The following RNF216 variants were observed in gnomAD, a reference collection of about 807,000 sequenced individuals.
The protein encoded by RNF216 is E3 ubiquitin-protein ligase RNF216.
Under a neutral mutation model 110.8 loss-of-function variants are expected in RNF216, and 72 were observed. The observed-to-expected ratio is 0.65, with a 90% CI of 0.54 to 0.79. RNF216 has a LOEUF of 0.79. Ranked by LOEUF, RNF216 falls within the 30% of genes least tolerant of loss-of-function variation. RNF216 has a pLI of 0.00. For missense variants in RNF216, 1,342 were observed against 1,141.2 expected, an observed-to-expected ratio of 1.18 and a Z score of -2.54; for synonymous variants, 495 against 407.5, an observed-to-expected ratio of 1.21 and a Z score of -2.59.
intron 5 of RNF216, among the ~76,000 whole-genome samples, chr7:5,735,248 A>G (rs1356973903): frequency 1.3e-5 from 2 of 152,226 alleles, no homozygotes; most frequent in African/African-American, 4.8e-5. Context: ...ACTTGAAAGA[A>G]GCAAAAGCAA....
At position 5,741,745 on chromosome 7, in the gene RNF216, A is replaced by T; in HGVS notation, c.272T>A (p.Leu91Ter). The change falls in exon 4 of 17, where the codon TTG (leucine) becomes TAG (stop). Residue 91 changes from leucine to a stop codon, truncating the protein, a stop_gained. Transcript: ENST00000389902. LOFTEE classifies it high-confidence loss of function. ...PAAQWQDLKR[L>*]GEERPKKSRA... ...AGACTTTTTAGGCCTTTCTTCTCCC[A>T]ACCTTTTCAGATCTTGCCACTGGGC... 6.2e-7 allele frequency: 1 copy of T among 1,614,180 alleles called. No homozygotes were observed. The highest frequency in any genetic ancestry group is 1.3e-5 in the African/African-American group (1 of 75,040).
intron 15 of RNF216, among the ~76,000 whole-genome samples, chr7:5,634,219 T>C (rs184650858): frequency 8.0e-5 from 12 of 150,382 alleles, no homozygotes; most frequent in African/African-American, 2.7e-4. Context: ...GAAGAACGGG[T>C]GGCTTTTCTT....
chr7:5,658,417 G>A (rs2128582510), intron 13 of RNF216, among the ~76,000 whole-genome samples: 1 of 152,236 alleles, frequency 6.6e-6, no homozygotes, highest in South Asian at 2.1e-4. Context: ...AGCACTCTGG[G>A]AAGCCGATGT....
chr7:5,684,160 TG>T (rs1274095468), intron 13 of RNF216, among the ~76,000 whole-genome samples: 1 of 133,110 alleles, frequency 7.5e-6, no homozygotes, highest in East Asian at 2.5e-4. Flanking sequence ...TGGAGTGCAG[TG>T]GCGTGATCTT....
chr7:5,623,240 C>T, intron 16 of RNF216, 61 bp from the exon 17 acceptor site: 1 of 1,484,228 alleles, frequency 6.7e-7, no homozygotes, highest in East Asian at 2.3e-5. Context: ...GGAATCTAGC[C>T]TGGGACCAGG....
intron 13 of RNF216, among the ~76,000 whole-genome samples, chr7:5,660,265 C>CTTTTTTTATTTTTT (rs869274441): frequency 3.0e-5 from 1 of 33,604 alleles, no homozygotes; most frequent in African/African-American, 1.0e-4. Flanking sequence ...GTTTTAAATT[C>CTTTTTTTATTTTTT]TTTTTTTTTT....
chr7:5,735,283 T>A (rs1395185030), intron 5 of RNF216, among the ~76,000 whole-genome samples: 1 of 152,124 alleles, frequency 6.6e-6, no homozygotes, highest in Non-Finnish European at 1.5e-5. Context: ...ACCAACTCTA[T>A]CAAGAACTCA....
At chr7:5,703,000 C>T (rs560416394) in intron 13 of RNF216, among the ~76,000 whole-genome samples, 2 of 152,130 alleles carry the variant, frequency 1.3e-5, no homozygotes, top group Non-Finnish European at 2.9e-5. Context: ...TGTAAGGGAG[C>T]GTCCTTCTGC....
chr7:5,729,108 C>A (rs548531981), intron 7 of RNF216, among the ~76,000 whole-genome samples: 1 of 152,094 alleles, frequency 6.6e-6, no homozygotes, highest in Non-Finnish European at 1.5e-5. Context: ...GATGGATGGT[C>A]GTGTGACCTG....
At chr7:5,698,260 T>C (rs952025012) in intron 13 of RNF216, among the ~76,000 whole-genome samples, 3 of 152,110 alleles carry the variant, frequency 2.0e-5, no homozygotes, top group Admixed American at 6.5e-5. Context: ...ATGTAAGCAG[T>C]TGTACTGGAG....
intron 13 of RNF216, among the ~76,000 whole-genome samples, chr7:5,697,912 G>A (rs1193135429): frequency 6.6e-6 from 1 of 152,106 alleles, no homozygotes; most frequent in African/African-American, 2.4e-5. Context: ...GGGGAGAGAA[G>A]GGCAAAAGGA....
rs962762691 is a variant in RNF216, at chr7:5,696,184, C to T, written c.2061+15577G>A. 2.6e-5 allele frequency among the ~76,000 whole-genome samples: 4 copies of T among 152,124 alleles called. No homozygotes were observed. The highest frequency in any genetic ancestry group is 4.4e-5 in the Non-Finnish European group (3 of 68,032). On this transcript the variant is annotated intron_variant, in intron 13 of 16. Coordinates refer to ENST00000389902, the MANE Select transcript of RNF216 (RefSeq NM_207111.4). This position sits in a 1 kb window ranked among gnomAD's most constrained non-coding sequence, Gnocchi z 5.4. ...TGTGGTGACGAAGAGCAGTTGGTAC[C>T]GCATGGCTTTAAATTGTTTGTATTT...
At chr7:5,647,174 C>A (rs1788100390) in intron 14 of RNF216, among the ~76,000 whole-genome samples, 1 of 151,292 alleles carries the variant, frequency 6.6e-6, no homozygotes, top group Non-Finnish European at 1.5e-5. Context: ...TTAATTCTTG[C>A]TCTGGTGGGA....
intron 1 of RNF216, among the ~76,000 whole-genome samples, chr7:5,777,196 C>T (rs569401606): frequency 2.0e-5 from 3 of 152,314 alleles, no homozygotes; most frequent in South Asian, 2.1e-4. Flanking sequence ...TGCTCCAGCA[C>T]TGGCCACCTC....
At chr7:5,661,637 T>C (rs1789148219) in intron 13 of RNF216, among the ~76,000 whole-genome samples, 1 of 152,092 alleles carries the variant, frequency 6.6e-6, no homozygotes, top group Non-Finnish European at 1.5e-5. Context: ...ATCTCGTCTC[T>C]ACAAAAAATA....
rs1337095418 is a variant in RNF216, at chr7:5,761,083, C to T, written c.-14G>A. The T allele has an allele frequency of 3.2e-6, 5 of 1,568,078 alleles. No individual in the cohort carries two copies. In the Admixed American group the frequency reaches 6.1e-5, roughly 19 times the overall value. Reference sequence around the variant, plus strand: ...TCCCTCTTCCATTTTCAAATGCAGACATGCATATATGGGACTGCTAATATC... The same window carrying T: ...TCCCTCTTCCATTTTCAAATGCAGATATGCATATATGGGACTGCTAATATC... On this transcript the variant is annotated 5_prime_UTR_variant, in exon 2 of 17. It removes an upstream start codon present in the reference 5' UTR. Coordinates refer to ENST00000389902, the MANE Select transcript of RNF216 (RefSeq NM_207111.4).
At chr7:5,628,303 G>A (rs796929190) in intron 15 of RNF216, among the ~76,000 whole-genome samples, 74 of 152,118 alleles carry the variant, frequency 4.9e-4, no homozygotes, top group African/African-American at 1.7e-3. Context: ...CCAAAATGAC[G>A]GCACTCAGCT....
intron 2 of RNF216, among the ~76,000 whole-genome samples, chr7:5,758,733 C>T (rs1795775239): frequency 6.6e-6 from 1 of 152,174 alleles, no homozygotes; most frequent in Admixed American, 6.5e-5. Context: ...CATGTACCCC[C>T]ATAGTATCTT....
chr7:5,745,486 C>G (rs955449879), intron 3 of RNF216, among the ~76,000 whole-genome samples: 1 of 151,936 alleles, frequency 6.6e-6, no homozygotes, highest in African/African-American at 2.4e-5. Flanking sequence ...TAATTAGACA[C>G]GTGAAAGAAG....
Sources: allele counts gnomAD v4.1 joint callset (sites outside exome capture counted in the v4.1 genomes callset), GRCh38; gene constraint gnomAD v4.1.1; non-coding constraint Gnocchi (gnomAD v3.1); transcripts MANE v1.5; gene names NCBI Gene and HGNC (gene_info 2026-07-23, HGNC 2026-07-21).